The following EPHA6 variants were observed in gnomAD, a reference collection of about 807,000 sequenced individuals.
The protein encoded by EPHA6 is ephrin type-A receptor 6.
EPHA6 carries 50 observed loss-of-function variants against 112.0 expected under a neutral mutation model. The ratio of observed to expected loss-of-function variants is 0.45; its 90% CI spans 0.36 to 0.56. EPHA6 has a LOEUF of 0.56. EPHA6 is among the 20% of genes least tolerant of loss of function. The probability of loss-of-function intolerance (pLI) is 0.00; values close to 1 mark genes in which losing one functional copy is unlikely to be tolerated. For synonymous variants in EPHA6, 529 were observed against 490.7 expected (o/e 1.08, Z -1.03); for missense variants, 1,280 against 1,417.4 (o/e 0.90, Z 1.56).
chr3:97,386,194 G>C (rs1321558034), intron 5 of EPHA6, among the ~76,000 whole-genome samples: 2 of 152,124 alleles, frequency 1.3e-5, no homozygotes, highest in Non-Finnish European at 2.9e-5. Flanking sequence ...AAAAGTCTTA[G>C]TTACTTTCCA....
chr3:97,323,453 AG>A, intron 5 of EPHA6, among the ~76,000 whole-genome samples: 1 of 151,398 alleles, frequency 6.6e-6, no homozygotes, highest in East Asian at 1.9e-4. Flanking sequence ...GAAGAATATT[AG>A]GGGGGATGGG....
chr3:97,493,889 A>G (rs2091912880), intron 10 of EPHA6, among the ~76,000 whole-genome samples: 3 of 152,194 alleles, frequency 2.0e-5, no homozygotes, highest in Admixed American at 2.0e-4. Flanking sequence ...GGAAACAGAG[A>G]GAGGAGCAAT....
chr3:96,893,951 G>A (rs1032438461), intron 2 of EPHA6, among the ~76,000 whole-genome samples: 1 of 152,194 alleles, frequency 6.6e-6, no homozygotes, highest in Non-Finnish European at 1.5e-5. Flanking sequence ...CTCTAGATAA[G>A]CTGATTGTGG....
chr3:97,093,961 A>G (rs2047155568), intron 3 of EPHA6, among the ~76,000 whole-genome samples: 1 of 152,110 alleles, frequency 6.6e-6, no homozygotes, highest in Non-Finnish European at 1.5e-5. Context: ...CAGTAACTAT[A>G]TCGCTTCAGA....
chr3:97,447,088 T>C lies in EPHA6; in HGVS notation c.1732-1480T>C, dbSNP rs556603872. On this transcript the variant is annotated intron_variant, in intron 6 of 17. Coordinates refer to ENST00000389672, the MANE Select transcript of EPHA6 (RefSeq NM_001080448.3). Reference sequence around the variant, plus strand: ...GGGGTATAAATGGCAAATTCAATTCTTTAGCTAGACACAGAATAACCAAAT... The same window carrying C: ...GGGGTATAAATGGCAAATTCAATTCCTTAGCTAGACACAGAATAACCAAAT... Among the ~76,000 whole-genome samples, 29 of 152,256 alleles carry C rather than the reference T, an allele frequency of 1.9e-4. No homozygotes were observed. The South Asian group carries it at 5.4e-3, about 28-fold the overall frequency.
chr3:96,952,095 C>G (rs2041565308), intron 2 of EPHA6, among the ~76,000 whole-genome samples: 1 of 152,244 alleles, frequency 6.6e-6, no homozygotes, highest in East Asian at 1.9e-4. Context: ...TACTTGTCCT[C>G]TTGTTCTCCA....
At chr3:97,624,727 A>T (rs1405372771) in intron 13 of EPHA6, among the ~76,000 whole-genome samples, 1 of 151,582 alleles carries the variant, frequency 6.6e-6, no homozygotes, top group African/African-American at 2.4e-5. Context: ...ATTTAATCTT[A>T]TTACTAGTTA....
chr3:97,065,881 T>C (rs2046161301), intron 3 of EPHA6, among the ~76,000 whole-genome samples: 1 of 152,054 alleles, frequency 6.6e-6, no homozygotes, highest in Non-Finnish European at 1.5e-5. Context: ...AACTTGATTT[T>C]TTTAAAAAAA....
intron 5 of EPHA6, among the ~76,000 whole-genome samples, chr3:97,262,232 T>C (rs113885169): frequency 0.015 from 2,287 of 152,266 alleles, 54 homozygotes; most frequent in African/African-American, 0.052. Context: ...CACCACAATG[T>C]CTTGCCTAAA....
At chr3:97,302,900 A>G (rs2081154583) in intron 5 of EPHA6, among the ~76,000 whole-genome samples, 1 of 151,014 alleles carries the variant, frequency 6.6e-6, no homozygotes. Context: ...TTTCTGCTAT[A>G]TGACCAAATT....
intron 15 of EPHA6, among the ~76,000 whole-genome samples, chr3:97,729,672 C>T (rs1218689143): frequency 3.4e-5 from 5 of 147,816 alleles, no homozygotes; most frequent in Admixed American, 6.9e-5. Context: ...GTGTTATTTA[C>T]TTAGAACCAC....
At chr3:96,925,716 C>T (rs2040001239) in intron 2 of EPHA6, among the ~76,000 whole-genome samples, 1 of 151,820 alleles carries the variant, frequency 6.6e-6, no homozygotes, top group Non-Finnish European at 1.5e-5. Context: ...AGTGATTCTC[C>T]TGCCTCAGTC....
intron 14 of EPHA6, among the ~76,000 whole-genome samples, chr3:97,719,318 A>G (rs574010503): frequency 6.6e-6 from 1 of 151,770 alleles, no homozygotes; most frequent in Non-Finnish European, 1.5e-5. Context: ...GTCAAAAATA[A>G]TTTTTGTTAT....
chr3:97,549,450 T>G (rs2093000381), intron 11 of EPHA6, among the ~76,000 whole-genome samples: 1 of 152,140 alleles, frequency 6.6e-6, no homozygotes, highest in African/African-American at 2.4e-5. Flanking sequence ...AGCTATGATC[T>G]TGAAGAATAA....
At chr3:97,743,290 C>A (rs1015589707) in intron 16 of EPHA6, among the ~76,000 whole-genome samples, 1 of 151,988 alleles carries the variant, frequency 6.6e-6, no homozygotes, top group Non-Finnish European at 1.5e-5. Flanking sequence ...TGAGTCATCA[C>A]GTATTTAATG....
At chr3:97,199,306 CTT>C (rs1251019451) in intron 3 of EPHA6, among the ~76,000 whole-genome samples, 3 of 152,062 alleles carry the variant, frequency 2.0e-5, no homozygotes, top group Admixed American at 2.0e-4. Context: ...ATTTTTCTTA[CTT>C]TTATTCATAA....
chr3:97,182,512 A>T (rs72922380), intron 3 of EPHA6, among the ~76,000 whole-genome samples: 4,208 of 152,002 alleles, frequency 0.028, 191 homozygotes, highest in African/African-American at 0.092. Flanking sequence ...GAAACTATAA[A>T]TTTTTTATTG....
At chr3:97,159,158 A>C (rs2076356606) in intron 3 of EPHA6, among the ~76,000 whole-genome samples, 2 of 152,116 alleles carry the variant, frequency 1.3e-5, no homozygotes, top group South Asian at 4.1e-4. Context: ...GGGCATGGTA[A>C]TACTAAGAGA....
chr3:97,605,799 G>A (rs1034857660), intron 12 of EPHA6, among the ~76,000 whole-genome samples: 4 of 151,530 alleles, frequency 2.6e-5, no homozygotes, highest in Admixed American at 6.6e-5. Flanking sequence ...GTAATTTGAT[G>A]GGAATAACAT....
Sources: gnomAD v4.1 joint callset for allele counts (sites outside exome capture counted in the v4.1 genomes callset) on GRCh38, gnomAD v4.1.1 for gene constraint, MANE v1.5 for transcripts, NCBI Gene and HGNC (gene_info 2026-07-23, HGNC 2026-07-21) for gene names.